The following AGAP1 variants were observed in gnomAD, a reference collection of about 807,000 sequenced individuals.
AGAP1 encodes the protein ArfGAP with GTPase domain, ankyrin repeat and PH domain 1, also known as arf-GAP with GTPase, ANK repeat and PH domain-containing protein 1.
In AGAP1, 29 loss-of-function variants were observed where a neutral mutation model predicts 105.3. The observed-to-expected ratio is 0.28, with a 90% CI of 0.21 to 0.38. The LOEUF is 0.38. AGAP1 is among the 10% of genes least tolerant of loss of function. AGAP1 has a pLI of 1.00. For missense variants in AGAP1, 998 were observed against 1,165.1 expected, an observed-to-expected ratio of 0.86 and a Z score of 2.09; for synonymous variants, 509 against 485.9, an observed-to-expected ratio of 1.05 and a Z score of -0.63.
chr2:235,626,477 A>G (rs1361686214), intron 1 of AGAP1, among the ~76,000 whole-genome samples: 1 of 152,244 alleles, frequency 6.6e-6, no homozygotes, highest in African/African-American at 2.4e-5. Context: ...TGTGTGTGAC[A>G]GTTAATGGTG....
rs764529810 is a variant in AGAP1 at position 235,799,416 on chromosome 2, C to T, written c.851C>T (p.Ser284Leu). 7 of 1,614,124 alleles carry T rather than the reference C, an allele frequency of 4.3e-6. No homozygotes were observed. The highest frequency in any genetic ancestry group is 4.2e-6 in the Non-Finnish European group (5 of 1,180,026). ...SLSDYSSSVP[S>L]TPSTSQKELR... ...AGCGACTATTCCTCCTCCGTTCCAT[C>T]GACTCCCAGCACCAGCCAGAAGGAA... is the stretch of plus-strand genomic sequence containing the variant. Residue 284 changes from serine to leucine, a missense_variant, in exon 8 of 18, where the codon TCG becomes TTG. Physicochemically the swap from Ser to Leu is moderately radical, Grantham distance 145. Coordinates refer to ENST00000304032, the MANE Select transcript of AGAP1 (RefSeq NM_001037131.3). This position sits in a 1 kb window ranked among gnomAD's most constrained non-coding sequence, Gnocchi z 5.0.
rs1559695582 is a variant in AGAP1 at position 235,959,012 on chromosome 2, G to C, written c.1484-9450G>C. ...CTAATGGCTGACATTGAATGTGCGG[G>C]ATGGTGCCGGCCCATCCCGGCTCAG... On this transcript the variant is annotated intron_variant, in intron 12 of 17. Transcript: ENST00000304032. This position sits in a 1 kb window ranked among gnomAD's most constrained non-coding sequence, Gnocchi z 7.3. Among the ~76,000 whole-genome samples the C allele has an allele frequency of 6.6e-6, 1 of 152,196 alleles. No individual in the cohort carries two copies.
rs1362351279 is a variant in AGAP1 at position 236,038,183 on chromosome 2, G to A, written c.1800+1468G>A. Reference sequence around the variant, plus strand: ...TCACGTCCACATGCATCCATGATGTGCCTCCTGAAACGAGCACAGGGTGCT... The same window carrying A: ...TCACGTCCACATGCATCCATGATGTACCTCCTGAAACGAGCACAGGGTGCT... On this transcript the variant is annotated intron_variant, in intron 14 of 17. Coordinates refer to ENST00000304032, the MANE Select transcript of AGAP1 (RefSeq NM_001037131.3). This position sits in a 1 kb window ranked among gnomAD's most constrained non-coding sequence, Gnocchi z 4.5. Among the ~76,000 whole-genome samples the A allele has an allele frequency of 6.6e-6, 1 of 152,140 alleles. No individual in the cohort carries two copies. The highest frequency in any genetic ancestry group is 2.1e-4 in the South Asian group (1 of 4,828).
In AGAP1 at chr2:235,788,986, CAG is replaced by C. The variant is rs780745602; in HGVS notation, c.674-8771_674-8770del. ...CTCTAGCCCAGGGTGACTATGGGAA[CAG>C]ACATTCCTGATTTTTGGCAGCTCGA... On this transcript the variant is annotated intron_variant, in intron 6 of 17. Coordinates refer to ENST00000304032, the MANE Select transcript of AGAP1 (RefSeq NM_001037131.3). This position sits in a 1 kb window ranked among gnomAD's most constrained non-coding sequence, Gnocchi z 6.0. Among the ~76,000 whole-genome samples the C allele has an allele frequency of 2.6e-4, 40 of 152,144 alleles. No individual in the cohort carries two copies. The highest frequency in any genetic ancestry group is 5.6e-4 in the Non-Finnish European group (38 of 68,014).
In AGAP1 at chr2:236,096,537, T is replaced by G. The variant is rs928312875; in HGVS notation, c.2115-23655T>G. ...AGCTTCTGGAATGTCATCAGTTAGA[T>G]GGAATGCCAGTGCAGACAAATGATG... On this transcript the variant is annotated intron_variant, in intron 16 of 17. Transcript: ENST00000304032. The surrounding 1 kb of genome is among the most constrained non-coding windows in gnomAD (Gnocchi z 4.4). Among the ~76,000 whole-genome samples the G allele has an allele frequency of 6.6e-6, 1 of 151,914 alleles. No homozygotes were observed. The highest frequency in any genetic ancestry group is 1.5e-5 in the Non-Finnish European group (1 of 67,990).
chr2:235,567,146 G>A (rs1274787264), intron 1 of AGAP1, among the ~76,000 whole-genome samples: 1 of 152,256 alleles, frequency 6.6e-6, no homozygotes, highest in Admixed American at 6.5e-5. Flanking sequence ...GGAGCACACT[G>A]GCAGTGTGCC....
At chr2:235,708,822 C>G (rs10211205) in intron 1 of AGAP1, among the ~76,000 whole-genome samples, 1 of 152,046 alleles carries the variant, frequency 6.6e-6, no homozygotes, top group Non-Finnish European at 1.5e-5. Flanking sequence ...GGTGTGTCCT[C>G]AAATATCTCC....
chr2:235,601,916 C>A lies in AGAP1; in HGVS notation c.163+107067C>A, dbSNP rs1171873683. The stretch of plus-strand genomic sequence containing the variant: ...TCACTGCAGTAACCTCTTAGCGGGC[C>A]TCCGTGCCCCATCCCAAAAGGTCCA... On this transcript the variant is annotated intron_variant, in intron 1 of 17. Coordinates refer to ENST00000304032, the MANE Select transcript of AGAP1 (RefSeq NM_001037131.3). This position sits in a 1 kb window ranked among gnomAD's most constrained non-coding sequence, Gnocchi z 4.4. Among the ~76,000 whole-genome samples the A allele has an allele frequency of 1.3e-5, 2 of 152,206 alleles. No homozygotes were observed. The highest frequency in any genetic ancestry group is 4.8e-5 in the African/African-American group (2 of 41,450).
chr2:235,803,049 GTGGTGATGGTGGTGATAGTTGTGA>G (rs1957638420), intron 8 of AGAP1, among the ~76,000 whole-genome samples: 1 of 3,292 alleles, frequency 3.0e-4, no homozygotes, highest in Non-Finnish European at 1.1e-3. Flanking sequence ...GATGATGGTT[GTGGTGATGGTGGTGATAGTTGTGA>G]TGGTGATGAT....
At chr2:235,502,355 G>A (rs775187290) in intron 1 of AGAP1, among the ~76,000 whole-genome samples, 10 of 152,142 alleles carry the variant, frequency 6.6e-5, no homozygotes, top group South Asian at 2.1e-4. Flanking sequence ...GACATTTTCC[G>A]TAAAGAGCAG....
intron 16 of AGAP1, among the ~76,000 whole-genome samples, chr2:236,116,290 G>A (rs1232722954): frequency 2.0e-5 from 3 of 150,800 alleles, no homozygotes; most frequent in Non-Finnish European, 4.4e-5. Flanking sequence ...TTATTACATA[G>A]TTTAAACAAT....
In AGAP1 at chr2:235,550,931, C is replaced by T. The variant is rs1006629559; in HGVS notation, c.163+56082C>T. On this transcript the variant is annotated intron_variant, in intron 1 of 17. Transcript: ENST00000304032. This position sits in a 1 kb window ranked among gnomAD's most constrained non-coding sequence, Gnocchi z 4.6. ...CTGGGACTACAGGCGTGCACCACCA[C>T]ACCCAGCTAATTTTTGTATTTTAGT... 3.3e-5 allele frequency among the ~76,000 whole-genome samples: 5 copies of T among 152,250 alleles called. No individual in the cohort carries two copies. The South Asian group carries it at 1.0e-3, about 32-fold the overall frequency.
chr2:236,104,781 C>T lies in AGAP1; in HGVS notation c.2115-15411C>T, dbSNP rs1284902761. 1.3e-5 allele frequency among the ~76,000 whole-genome samples: 2 copies of T among 152,092 alleles called. No homozygotes were observed. Among genetic ancestry groups the T allele is most frequent in the Non-Finnish European group, 2.9e-5 (2 of 68,014 alleles). ...ATGCGTGCCTGTAATCCCAGCTACT[C>T]GGGAGGCTGAGGCAGGCAGGAGAAT... On this transcript the variant is annotated intron_variant, in intron 16 of 17. Transcript: ENST00000304032. This position sits in a 1 kb window ranked among gnomAD's most constrained non-coding sequence, Gnocchi z 4.7.
chr2:235,646,873 C>T (rs568051392), intron 1 of AGAP1, among the ~76,000 whole-genome samples: 3 of 152,254 alleles, frequency 2.0e-5, no homozygotes, highest in East Asian at 1.9e-4. Flanking sequence ...CGGTGGCTCA[C>T]GCCTGTAATC....
At chr2:235,822,070 C>A (rs182845005) in intron 9 of AGAP1, among the ~76,000 whole-genome samples, 31 of 152,310 alleles carry the variant, frequency 2.0e-4, no homozygotes, top group African/African-American at 6.5e-4. Flanking sequence ...TTGGACAAGG[C>A]GAGACCTATT....
In AGAP1 at chr2:236,073,761, C is replaced by T. The variant is rs2058564692; in HGVS notation, c.2114+24480C>T. On this transcript the variant is annotated intron_variant, in intron 16 of 17. Transcript: ENST00000304032. This position sits in a 1 kb window ranked among gnomAD's most constrained non-coding sequence, Gnocchi z 5.4. ...GGTGGTGGGGGTACAGGCAGGTCAG[C>T]TTGTTCACATGGGCTGCAAACATGG... Among the ~76,000 whole-genome samples, 1 of 152,132 alleles carries T rather than the reference C, an allele frequency of 6.6e-6. No individual in the cohort carries two copies. Among genetic ancestry groups the T allele is most frequent in the Admixed American group, 6.5e-5 (1 of 15,276 alleles).
At chr2:235,776,306 CT>C (rs1372834513) in intron 6 of AGAP1, among the ~76,000 whole-genome samples, 1 of 152,162 alleles carries the variant, frequency 6.6e-6, no homozygotes, top group Non-Finnish European at 1.5e-5. Context: ...CTCTCTCCCC[CT>C]ACCTACTGCC....
At chr2:235,933,536 AT>A (rs71036300) in intron 12 of AGAP1, among the ~76,000 whole-genome samples, 96 of 141,896 alleles carry the variant, frequency 6.8e-4, no homozygotes, top group Middle Eastern at 3.7e-3. Context: ...TTTTCTAAGG[AT>A]TTTTTTTTTT....
rs1238498159 is a variant in AGAP1, at chr2:235,936,469, C to T, written c.1483+5546C>T. ...CTCATTATAAAAATGTTTTGCACGT[C>T]GATTTTGATGATGGGGGTTCGAAAC... On this transcript the variant is annotated intron_variant, in intron 12 of 17. Transcript: ENST00000304032. This position sits in a 1 kb window ranked among gnomAD's most constrained non-coding sequence, Gnocchi z 4.7. Among the ~76,000 whole-genome samples the T allele has an allele frequency of 6.6e-6, 1 of 152,122 alleles. No homozygotes were observed. Among genetic ancestry groups the T allele is most frequent in the Non-Finnish European group, 1.5e-5 (1 of 68,036 alleles).
Sources: allele counts gnomAD v4.1 joint callset (sites outside exome capture counted in the v4.1 genomes callset), GRCh38; gene constraint gnomAD v4.1.1; non-coding constraint Gnocchi (gnomAD v3.1); transcripts MANE v1.5; gene names NCBI Gene and HGNC (gene_info 2026-07-23, HGNC 2026-07-21).